Variants in GPBP1 observed in about 807,000 individuals in gnomAD.
The protein encoded by GPBP1 is GC-rich promoter binding protein 1.
In GPBP1, 13 loss-of-function variants were observed where a neutral mutation model predicts 56.5. That is an observed-to-expected ratio of 0.23 (90% CI 0.15 to 0.37). GPBP1 has a LOEUF of 0.37. GPBP1 is among the 10% of genes least tolerant of loss of function. GPBP1 has a pLI of 1.00. For synonymous variants in GPBP1, 204 were observed against 188.9 expected, an observed-to-expected ratio of 1.08 and a Z score of -0.66; for missense variants, 477 against 572.3, an observed-to-expected ratio of 0.83 and a Z score of 1.70.
chr5:57,225,318 C>T (rs576673569), intron 3 of GPBP1, among the ~76,000 whole-genome samples: 1 of 151,752 alleles, frequency 6.6e-6, no homozygotes, highest in East Asian at 2.0e-4. Context: ...CATGGTGAAA[C>T]CCCGTCTCTA....
intron 2 of GPBP1, among the ~76,000 whole-genome samples, chr5:57,180,744 T>G (rs865969551): frequency 2.0e-5 from 3 of 152,200 alleles, no homozygotes; most frequent in Admixed American, 1.3e-4. Flanking sequence ...AAGATTTTTT[T>G]GGGGTTTTTT....
chr5:57,238,090 C>A (rs1173378315), intron 6 of GPBP1, among the ~76,000 whole-genome samples: 1 of 152,122 alleles, frequency 6.6e-6, no homozygotes, highest in African/African-American at 2.4e-5. Flanking sequence ...CTATTAGGTA[C>A]ATAAAATTAA....
At chr5:57,224,921 C>T (rs1291525313) in intron 3 of GPBP1, among the ~76,000 whole-genome samples, 1 of 151,578 alleles carries the variant, frequency 6.6e-6, no homozygotes, top group Non-Finnish European at 1.5e-5. Context: ...TGCTCACCTA[C>T]TCTCCCCCTA....
intron 2 of GPBP1, among the ~76,000 whole-genome samples, chr5:57,176,672 C>T (rs1753799920): frequency 6.6e-6 from 1 of 152,130 alleles, no homozygotes; most frequent in Non-Finnish European, 1.5e-5. Flanking sequence ...ATTCGTATGG[C>T]CGGTATATAT....
chr5:57,251,386 C>G (rs761749059), intron 10 of GPBP1, among the ~76,000 whole-genome samples: 9 of 152,110 alleles, frequency 5.9e-5, no homozygotes, highest in Non-Finnish European at 1.2e-4. Context: ...GTGTATGTAT[C>G]TTATATAAGT....
In GPBP1 at chr5:57,199,567, TAA is replaced by T. The variant is rs2111684531; in HGVS notation, c.-57-14506_-57-14505del. Among the ~76,000 whole-genome samples, 3 of 152,128 alleles carry T rather than the reference TAA, an allele frequency of 2.0e-5. No homozygotes were observed. In the South Asian group the frequency reaches 6.2e-4, roughly 32 times the overall value. On this transcript the variant is annotated intron_variant, in intron 2 of 11. Coordinates refer to ENST00000506184, the MANE Select transcript of GPBP1 (RefSeq NM_022913.4). ...ATATATATATATCTTTATTATACTT[TAA>T]GTTCTAGGGTACATGTGCACAACGT... is the stretch of plus-strand genomic sequence containing the variant.
intron 2 of GPBP1, among the ~76,000 whole-genome samples, chr5:57,177,018 C>T (rs1753814425): frequency 6.6e-6 from 1 of 152,080 alleles, no homozygotes; most frequent in African/African-American, 2.4e-5. Flanking sequence ...CAAATTATTT[C>T]TTTACTTTCA....
At chr5:57,226,837 T>A (rs1230791708) in intron 3 of GPBP1, among the ~76,000 whole-genome samples, 1 of 149,734 alleles carries the variant, frequency 6.7e-6, no homozygotes, top group African/African-American at 2.5e-5. Context: ...CCTCCTGAGT[T>A]CATGCCATTC....
chr5:57,246,717 TG>T (rs1347256774), intron 7 of GPBP1, among the ~76,000 whole-genome samples: 3 of 151,960 alleles, frequency 2.0e-5, no homozygotes, highest in Admixed American at 6.6e-5. Context: ...TTTTTTTTTT[TG>T]CTAGATGTAG....
At chr5:57,180,219 AT>A (rs1753979796) in intron 2 of GPBP1, among the ~76,000 whole-genome samples, 1 of 152,096 alleles carries the variant, frequency 6.6e-6, no homozygotes, top group Non-Finnish European at 1.5e-5. Flanking sequence ...GGTTCAAGTG[AT>A]TCTTATGCCT....
At chr5:57,261,401 C>A in intron 11 of GPBP1, 119 bp downstream of exon 11, 1 of 597,860 alleles carries the variant, frequency 1.7e-6, no homozygotes, top group Non-Finnish European at 3.0e-6. Context: ...GTCAGAATTG[C>A]TTTTAAAAAA....
intron 2 of GPBP1, among the ~76,000 whole-genome samples, chr5:57,196,973 G>A (rs1754792506): frequency 6.6e-6 from 1 of 151,880 alleles, no homozygotes; most frequent in South Asian, 2.1e-4. Flanking sequence ...GTAGAGATGG[G>A]ATTTCACCAT....
intron 3 of GPBP1, among the ~76,000 whole-genome samples, chr5:57,222,922 A>C (rs1324703795): frequency 6.6e-6 from 1 of 152,142 alleles, no homozygotes; most frequent in Admixed American, 6.5e-5. Context: ...TGCATCACTT[A>C]ATGACGATGG....
chr5:57,191,074 C>T (rs975833419), intron 2 of GPBP1, among the ~76,000 whole-genome samples: 1 of 151,652 alleles, frequency 6.6e-6, no homozygotes, highest in Non-Finnish European at 1.5e-5. Flanking sequence ...TTGTGCCTGG[C>T]TCCTCTTAGC....
At chr5:57,218,773 A>G (rs942919904) in intron 3 of GPBP1, among the ~76,000 whole-genome samples, 3 of 152,212 alleles carry the variant, frequency 2.0e-5, no homozygotes, top group Admixed American at 1.3e-4. Context: ...GCCAGAATCA[A>G]TTTTATAATT....
chr5:57,259,073 A>G (rs1037409183), intron 10 of GPBP1, among the ~76,000 whole-genome samples: 6 of 152,246 alleles, frequency 3.9e-5, no homozygotes, highest in Non-Finnish European at 8.8e-5. Context: ...ATCCAGATTA[A>G]AGAGTAAAGA....
chr5:57,261,448 G>C (rs1344226433), intron 11 of GPBP1, among the ~76,000 whole-genome samples, 166 bp downstream of exon 11: 1 of 151,960 alleles, frequency 6.6e-6, no homozygotes, highest in Non-Finnish European at 1.5e-5. Context: ...ATGGTGTCCA[G>C]CTGGCCTCTA....
intron 11 of GPBP1, 103 bp downstream of exon 11, chr5:57,261,385 C>A: frequency 2.9e-6 from 2 of 679,440 alleles, no homozygotes; most frequent in East Asian, 2.7e-5. Context: ...GAATTTATCA[C>A]GATAGGTCAG....
intron 2 of GPBP1, among the ~76,000 whole-genome samples, chr5:57,196,621 G>A (rs991429192): frequency 5.9e-5 from 9 of 151,990 alleles, no homozygotes; most frequent in African/African-American, 1.7e-4. Flanking sequence ...ACAAGGTCTC[G>A]CTCTGTCTTC....
Sources: gnomAD v4.1 joint callset for allele counts (sites outside exome capture counted in the v4.1 genomes callset) on GRCh38, gnomAD v4.1.1 for gene constraint, MANE v1.5 for transcripts, NCBI Gene and HGNC (gene_info 2026-07-23, HGNC 2026-07-21) for gene names.